The following TP53BP2 variants were observed in gnomAD, a reference collection of about 807,000 sequenced individuals.
TP53BP2 encodes the protein tumor protein p53 binding protein 2, also known as apoptosis-stimulating of p53 protein 2.
Under a neutral mutation model 126.2 loss-of-function variants are expected in TP53BP2, and 62 were observed. That is an observed-to-expected ratio of 0.49 (90% CI 0.40 to 0.61). The LOEUF (loss-of-function observed/expected upper bound fraction) is 0.61. TP53BP2 is among the 20% of genes least tolerant of loss of function. The pLI is 0.00. For missense variants in TP53BP2, 1,215 were observed against 1,402.8 expected, an observed-to-expected ratio of 0.87 and a Z score of 2.14; for synonymous variants, 485 against 502.9, an observed-to-expected ratio of 0.96 and a Z score of 0.48.
At chr1:223,828,355 G>T (rs1663573857) in intron 1 of TP53BP2, among the ~76,000 whole-genome samples, 1 of 152,194 alleles carries the variant, frequency 6.6e-6, no homozygotes, top group African/African-American at 2.4e-5. Flanking sequence ...GTGGTGGGAT[G>T]ACTAAGTGAA....
At chr1:223,808,649 A>G (rs1662807144) in intron 4 of TP53BP2, among the ~76,000 whole-genome samples, 1 of 152,040 alleles carries the variant, frequency 6.6e-6, no homozygotes, top group Admixed American at 6.6e-5. Flanking sequence ...CTTCCAAAAG[A>G]AAACAAAGGA....
chr1:223,823,255 G>A (rs1246873794), intron 1 of TP53BP2, among the ~76,000 whole-genome samples: 1 of 152,168 alleles, frequency 6.6e-6, no homozygotes, highest in South Asian at 2.1e-4. Flanking sequence ...GCTGCATTAA[G>A]ATGTTGCTTG....
At chr1:223,790,798 GTC>G (rs1288641854) in intron 15 of TP53BP2, among the ~76,000 whole-genome samples, 3 of 151,776 alleles carry the variant, frequency 2.0e-5, no homozygotes, top group East Asian at 1.9e-4. Flanking sequence ...TAGAGACAGG[GTC>G]TCTCTCTGTT....
At chr1:223,815,936 G>A (rs1328761065) in intron 2 of TP53BP2, among the ~76,000 whole-genome samples, 4 of 152,188 alleles carry the variant, frequency 2.6e-5, no homozygotes, top group Non-Finnish European at 5.9e-5. Context: ...ATACCATCTA[G>A]ATTTGTGTAA....
intron 1 of TP53BP2, among the ~76,000 whole-genome samples, chr1:223,833,794 A>G (rs1558110413): frequency 6.6e-6 from 1 of 152,226 alleles, no homozygotes; most frequent in South Asian, 2.1e-4. Context: ...ATACCTATTA[A>G]GAAAGGACAG....
chr1:223,845,775 A>T lies in TP53BP2; in HGVS notation c.-95T>A, dbSNP rs1401663348. ...GGGAGCGGAGAGCGAGGCCGCCCGG[A>T]CCTGTTGCGAGGCGGCGGCGGCGGC... On this transcript the variant is annotated 5_prime_UTR_variant, in exon 1 of 18. Transcript: ENST00000343537. The T allele has an allele frequency of 3.3e-6, 4 of 1,223,070 alleles. No homozygotes were observed. Among genetic ancestry groups the T allele is most frequent in the Non-Finnish European group, 4.1e-6 (4 of 969,048 alleles). The allele number at this position is 1,223,070 out of a possible 1,614,324, so 75.8% of individuals were successfully genotyped here.
intron 2 of TP53BP2, 42 bp from the exon 3 acceptor site, chr1:223,814,395 G>A: frequency 7.2e-7 from 1 of 1,384,054 alleles, no homozygotes; most frequent in South Asian, 1.2e-5. Context: ...TCAGGTAAAA[G>A]AAAGATAAAT....
intron 4 of TP53BP2, among the ~76,000 whole-genome samples, chr1:223,809,994 T>C (rs1458255617): frequency 6.6e-6 from 1 of 152,102 alleles, no homozygotes; most frequent in African/African-American, 2.4e-5. Context: ...ACCCGGCTAA[T>C]TCTGTATTTT....
chr1:223,800,564 A>G lies in TP53BP2; in HGVS notation c.1336+136T>C, dbSNP rs374595090. ...GCACCACTGCACTCCAGCCTGGATG[A>G]CAAGAGTGAGATCCTGTCTTTAAAA... is the stretch of plus-strand genomic sequence containing the variant. On this transcript the variant is annotated intron_variant, in intron 10 of 17. Coordinates refer to ENST00000343537, the MANE Select transcript of TP53BP2 (RefSeq NM_001031685.3). 23 of 611,728 alleles carry G rather than the reference A, an allele frequency of 3.8e-5. No individual in the cohort carries two copies. The East Asian group carries it at 7.7e-4, about 21-fold the overall frequency. 37.9% of individuals were successfully genotyped at this position (611,728 alleles called of 1,614,324 possible). A position where few individuals can be genotyped will look rare whatever the true frequency, so the allele number is the denominator to read the frequency against.
At chr1:223,807,018 AG>A (rs1345440930) in intron 4 of TP53BP2, 71 bp from the exon 5 acceptor site, 2 of 1,198,252 alleles carry the variant, frequency 1.7e-6, no homozygotes, top group Non-Finnish European at 2.4e-6. Flanking sequence ...CCGCCCTCAA[AG>A]GTCTATGTAA....
In TP53BP2 at chr1:223,796,420, T is replaced by C; in HGVS notation, c.2119A>G (p.Lys707Glu). 1 of 1,614,176 alleles carries C rather than the reference T, an allele frequency of 6.2e-7. No homozygotes were observed. Among genetic ancestry groups the C allele is most frequent in the Non-Finnish European group, 8.5e-7 (1 of 1,180,022 alleles). Residue 707 changes from lysine to glutamate, a missense_variant, in exon 13 of 18, where the codon AAA becomes GAA. Around this residue, in one of 4 missense-constraint regions of TP53BP2, gnomAD observed 46 missense variants for 93.0 expected, o/e 0.49. Transcript: ENST00000343537. The surrounding 1 kb of genome is among the most constrained non-coding windows in gnomAD (Gnocchi z 4.2). ...ERIPRPLSPT[K>E]LLPFLSNPYR... Reference sequence around the variant, plus strand: ...GGATTAGATAAGAAAGGCAGTAATTTAGTTGGGCTGAGTGGCCGAGGAATT... The same window carrying C: ...GGATTAGATAAGAAAGGCAGTAATTCAGTTGGGCTGAGTGGCCGAGGAATT...
At chr1:223,827,548 C>T (rs1663543034) in intron 1 of TP53BP2, among the ~76,000 whole-genome samples, 1 of 152,142 alleles carries the variant, frequency 6.6e-6, no homozygotes, top group South Asian at 2.1e-4. Flanking sequence ...GTGTGTTCTG[C>T]CCTAACCCAA....
intron 13 of TP53BP2, among the ~76,000 whole-genome samples, chr1:223,794,829 T>C: frequency 6.6e-6 from 1 of 152,230 alleles, no homozygotes; most frequent in East Asian, 1.9e-4. Context: ...TAAGCAAACA[T>C]TTACTGTAAC....
chr1:223,816,226 A>G (rs1362867115), intron 2 of TP53BP2, among the ~76,000 whole-genome samples: 2 of 152,324 alleles, frequency 1.3e-5, no homozygotes, highest in East Asian at 3.9e-4. Context: ...TCATCTCTGT[A>G]TCCCTCTCAA....
chr1:223,806,988 A>G, intron 4 of TP53BP2, 41 bp from the exon 5 acceptor site: 2 of 1,472,612 alleles, frequency 1.4e-6, no homozygotes, highest in Non-Finnish European at 1.9e-6. Flanking sequence ...CCAGCTTACT[A>G]TAAAACTACC....
chr1:223,817,925 CAAA>C (rs770941359), intron 2 of TP53BP2, among the ~76,000 whole-genome samples: 4 of 62,062 alleles, frequency 6.4e-5, no homozygotes, highest in Admixed American at 1.8e-4. Flanking sequence ...GACTCAGTCT[CAAA>C]AAAAAAAAAA....
intron 2 of TP53BP2, among the ~76,000 whole-genome samples, chr1:223,816,852 TA>T (rs201147138): frequency 0.018 from 2,479 of 139,504 alleles, 39 homozygotes; most frequent in East Asian, 0.11. Context: ...ATATACACAT[TA>T]AAAAAAAAAA....
intron 10 of TP53BP2, 83 bp from the exon 11 acceptor site, chr1:223,800,130 C>A: frequency 7.2e-7 from 1 of 1,396,748 alleles, no homozygotes; most frequent in Non-Finnish European, 9.5e-7. Flanking sequence ...TCCCCTAAAT[C>A]TCCCTGAAAA....
intron 6 of TP53BP2, 122 bp downstream of exon 6, chr1:223,804,052 G>A (rs1294330677): frequency 5.1e-6 from 5 of 989,858 alleles, no homozygotes; most frequent in Non-Finnish European, 6.0e-6. Context: ...AGGAGGCTGA[G>A]GTGGGAGGAT....
Sources: allele counts gnomAD v4.1 joint callset (sites outside exome capture counted in the v4.1 genomes callset), GRCh38; gene constraint gnomAD v4.1.1; regional missense constraint gnomAD v4.1.1; non-coding constraint Gnocchi (gnomAD v3.1); transcripts MANE v1.5; gene names NCBI Gene and HGNC (gene_info 2026-07-23, HGNC 2026-07-21).